C1orf185: variants seen among roughly 807,000 people sequenced by gnomAD.
The protein encoded by C1orf185 is chromosome 1 open reading frame 185.
In C1orf185, 13 loss-of-function variants were observed where a neutral mutation model predicts 16.1. The observed-to-expected ratio is 0.81, with a 90% confidence interval of 0.53 to 1.28. C1orf185 has a LOEUF of 1.28. Ranked by LOEUF, C1orf185 falls within the 50% of genes most tolerant of loss-of-function variation. The pLI is 0.00. For synonymous variants in C1orf185, 80 were observed against 76.9 expected (o/e 1.04, Z -0.21); for missense variants, 220 against 225.2 (o/e 0.98, Z 0.15).
At chr1:51,133,000 C>T (rs1164088155) in intron 3 of C1orf185, among the ~76,000 whole-genome samples, 1 of 152,168 alleles carries the variant, frequency 6.6e-6, no homozygotes, top group East Asian at 1.9e-4. Context: ...CCTTTTCAGA[C>T]AAGCAAATTC....
chr1:51,121,736 C>G (rs1298860083), intron 3 of C1orf185, among the ~76,000 whole-genome samples: 3 of 151,974 alleles, frequency 2.0e-5, no homozygotes, highest in African/African-American at 4.8e-5. Flanking sequence ...TGATTTCTAA[C>G]AAAAACTTTT....
chr1:51,117,888 A>G (rs2148015098), intron 2 of C1orf185, among the ~76,000 whole-genome samples: 1 of 152,158 alleles, frequency 6.6e-6, no homozygotes, highest in Admixed American at 6.5e-5. Flanking sequence ...GTACTCTTCC[A>G]TTGTGAGTCA....
At chr1:51,112,125 T>A (rs1328602399) in intron 1 of C1orf185, among the ~76,000 whole-genome samples, 1 of 150,262 alleles carries the variant, frequency 6.7e-6, no homozygotes, top group Non-Finnish European at 1.5e-5. Flanking sequence ...CCAGGAATGA[T>A]ACGGGAGGGG....
chr1:51,115,534 T>C (rs1006170440), intron 2 of C1orf185, among the ~76,000 whole-genome samples: 2 of 152,194 alleles, frequency 1.3e-5, no homozygotes, highest in East Asian at 1.9e-4. Flanking sequence ...CTTGTACATA[T>C]AAAGTACAAG....
At position 51,147,787 on chromosome 1, in the gene C1orf185, C is replaced by G. The variant is rs1403063176; in HGVS notation, c.*16C>G. On this transcript the variant is annotated 3_prime_UTR_variant, in exon 5 of 5. Transcript: ENST00000371759. ...CACTTTATGACCATCAAAAAGATGA[C>G]TACATTAAGGGAAAATGTTCATGAA... The G allele has an allele frequency of 6.8e-7, 1 of 1,478,004 alleles. No homozygotes were observed. The highest frequency in any genetic ancestry group is 1.4e-5 in the South Asian group (1 of 73,744). The allele number at this position is 1,478,004 out of a possible 1,614,324, so 91.6% of individuals were successfully genotyped here.
chr1:51,134,701 C>A (rs1285430390), intron 3 of C1orf185, among the ~76,000 whole-genome samples: 1 of 152,106 alleles, frequency 6.6e-6, no homozygotes, highest in Non-Finnish European at 1.5e-5. Context: ...TACAAATAAC[C>A]ATCAGAGAAT....
At chr1:51,140,110 G>A (rs1264318311) in intron 3 of C1orf185, among the ~76,000 whole-genome samples, 2 of 152,108 alleles carry the variant, frequency 1.3e-5, no homozygotes, top group East Asian at 1.9e-4. Context: ...ACAGTAATGC[G>A]CTCTACTACA....
intron 3 of C1orf185, among the ~76,000 whole-genome samples, chr1:51,120,150 G>A (rs1570300097): frequency 6.6e-6 from 1 of 152,116 alleles, no homozygotes; most frequent in African/African-American, 2.4e-5. Context: ...TATAATGTTC[G>A]GAGCCTAGGA....
chr1:51,133,533 C>A (rs1646301067), intron 3 of C1orf185, among the ~76,000 whole-genome samples: 1 of 152,212 alleles, frequency 6.6e-6, no homozygotes, highest in Non-Finnish European at 1.5e-5. Context: ...GCACCCAACA[C>A]AGGAGCACCC....
At chr1:51,133,911 GTC>G (rs1646304055) in intron 3 of C1orf185, among the ~76,000 whole-genome samples, 1 of 152,166 alleles carries the variant, frequency 6.6e-6, no homozygotes, top group South Asian at 2.1e-4. Context: ...GTGAAACCCT[GTC>G]TCTATTAAAA....
At chr1:51,132,180 A>G (rs1646290313) in intron 3 of C1orf185, among the ~76,000 whole-genome samples, 1 of 152,238 alleles carries the variant, frequency 6.6e-6, no homozygotes, top group Non-Finnish European at 1.5e-5. Flanking sequence ...TCAAAAAGCC[A>G]GAGAGCCTTC....
At chr1:51,131,893 C>T (rs377524049) in intron 3 of C1orf185, among the ~76,000 whole-genome samples, 4 of 152,110 alleles carry the variant, frequency 2.6e-5, no homozygotes, top group South Asian at 2.1e-4. Context: ...AGCACCTCGG[C>T]GCCCCCAGCA....
At chr1:51,112,643 G>T (rs938557099) in intron 2 of C1orf185, 74 bp downstream of exon 2, 2 of 1,306,062 alleles carry the variant, frequency 1.5e-6, no homozygotes, top group South Asian at 2.9e-5. Flanking sequence ...TCAAATGGAA[G>T]TAAACTTAAA....
chr1:51,146,728 T>C (rs901234973), intron 4 of C1orf185, among the ~76,000 whole-genome samples: 8 of 152,070 alleles, frequency 5.3e-5, no homozygotes, highest in Admixed American at 5.2e-4. Context: ...TTTATTATTT[T>C]CGTGAAGTGG....
At chr1:51,150,237 G>T (rs890510010), downstream of C1orf185, among the ~76,000 whole-genome samples, 10 of 151,170 alleles carry the variant, frequency 6.6e-5, no homozygotes, top group African/African-American at 2.4e-4. Context: ...TGTCACCCGG[G>T]CTAGAGTGCA....
At chr1:51,137,338 G>A (rs557206208) in intron 3 of C1orf185, among the ~76,000 whole-genome samples, 1 of 151,914 alleles carries the variant, frequency 6.6e-6, no homozygotes, top group Non-Finnish European at 1.5e-5. Context: ...TTAGAGACCA[G>A]TCTGGCCAAC....
At chr1:51,112,340 T>A in intron 1 of C1orf185, 124 bp from the exon 2 acceptor site, 1 of 726,752 alleles carries the variant, frequency 1.4e-6, no homozygotes, top group Admixed American at 3.2e-5. Flanking sequence ...AATTCCCATC[T>A]CCCAATCTCC....
At chr1:51,110,305 C>A (rs1646106624) in intron 1 of C1orf185, among the ~76,000 whole-genome samples, 1 of 152,140 alleles carries the variant, frequency 6.6e-6, no homozygotes, top group South Asian at 2.1e-4. Context: ...ATATATTTTT[C>A]ATATATAGCA....
rs1187440351 is a variant in C1orf185 at position 51,139,410 on chromosome 1, TC to T, written c.259-6313del. Among the ~76,000 whole-genome samples, 73 of 152,292 alleles carry T rather than the reference TC, an allele frequency of 4.8e-4. 1 individual carries two copies. The highest frequency in any genetic ancestry group is 1.7e-3 in the African/African-American group (72 of 41,574). ...TGAGTTACTGCACCTGTCCAAATTT[TC>T]TTTCCTATACTGTGCTGTCAGACCT... On this transcript the variant is annotated intron_variant, in intron 3 of 4. Coordinates refer to ENST00000371759, the MANE Select transcript of C1orf185 (RefSeq NM_001136508.2).
Sources: allele counts gnomAD v4.1 joint callset (sites outside exome capture counted in the v4.1 genomes callset), GRCh38; gene constraint gnomAD v4.1.1; transcripts MANE v1.5; gene names NCBI Gene and HGNC (gene_info 2026-07-23, HGNC 2026-07-21).